ACTB: variants seen among roughly 807,000 people sequenced by gnomAD.
The protein encoded by ACTB is actin beta.
Under a neutral mutation model 30.5 loss-of-function variants are expected in ACTB, and 2 were observed. That is an observed-to-expected ratio of 0.07 (90% CI 0.03 to 0.21). The LOEUF is 0.21. Ranked by LOEUF, ACTB falls within the 10% of genes least tolerant of loss-of-function variation. The pLI is 1.00. For synonymous variants in ACTB, 335 were observed against 217.6 expected, an observed-to-expected ratio of 1.54 and a Z score of -4.75; for missense variants, 56 against 530.0, an observed-to-expected ratio of 0.11 and a Z score of 8.78.
intron 1 of ACTB, 86 bp from the exon 2 acceptor site, chr7:5,529,749 GGCGCCGGCGC>G (rs1211848409): frequency 1.9e-6 from 3 of 1,591,514 alleles, no homozygotes; most frequent in Non-Finnish European, 2.6e-6. Flanking sequence ...GCCGCCAGGG[GGCGCCGGCGC>G]GCGCCCAGAT....
rs781092029 is a variant in ACTB at position 5,529,029 on chromosome 7, C to T, written c.363+132G>A. On this transcript the variant is annotated intron_variant, in intron 3 of 5. Coordinates refer to ENST00000646664, the MANE Select transcript of ACTB (RefSeq NM_001101.5). ...AAAAGCAAATAGAACCTGCAGAGTT[C>T]CAAAGGAGACTCAGGTCAGAGAAGA... 1.9e-6 allele frequency: 3 copies of T among 1,612,122 alleles called. No homozygotes were observed. In the Admixed American group the frequency reaches 5.0e-5, roughly 27 times the overall value.
intron 1 of ACTB, chr7:5,529,933 G>C (rs1006000342): frequency 6.7e-4 from 246 of 368,792 alleles, no homozygotes; most frequent in African/African-American, 5.2e-3. Context: ...CGGCGCGCGC[G>C]CACGCAGCGG....
chr7:5,530,373 G>C (rs955732046), intron 1 of ACTB, among the ~76,000 whole-genome samples, 151 bp downstream of exon 1: 2 of 152,020 alleles, frequency 1.3e-5, no homozygotes, highest in Admixed American at 6.6e-5. Flanking sequence ...CGGAGGCCCA[G>C]GGGCTTCTCC....
chr7:5,529,439 AG>A (rs1562719923), intron 2 of ACTB, 39 bp from the exon 3 acceptor site: 8 of 1,613,492 alleles, frequency 5.0e-6, no homozygotes, highest in Non-Finnish European at 5.9e-6. Flanking sequence ...GCACGGGCGC[AG>A]CCCCCACCCC....
In ACTB at chr7:5,529,649, A is replaced by C; in HGVS notation, c.9T>G (p.Asp3Glu). 6.2e-7 allele frequency: 1 copy of C among 1,611,360 alleles called. No individual in the cohort carries two copies. Among genetic ancestry groups the C allele is most frequent in the Non-Finnish European group, 8.5e-7 (1 of 1,179,684 alleles). MD[D>E]DIAALVVDNG... ...TGTCGACGACGAGCGCGGCGATATCATCATCCATGGTGAGCTGCGAGAATA... is the reference window on the plus strand; with the variant it reads ...TGTCGACGACGAGCGCGGCGATATCCTCATCCATGGTGAGCTGCGAGAATA... The change falls in exon 2 of 6, where the codon GAT becomes GAG. Residue 3 changes from aspartate to glutamate, a missense_variant. Transcript: ENST00000646664.
chr7:5,530,178 G>A (rs1463076529), intron 1 of ACTB, among the ~76,000 whole-genome samples: 2 of 151,986 alleles, frequency 1.3e-5, no homozygotes, highest in Admixed American at 6.5e-5. Flanking sequence ...CACGCGCAAT[G>A]GCGCCCCAGC....
Position 5,529,403 on chromosome 7 carries a change from G to T in ACTB, c.124-3C>A, listed in dbSNP as rs1189379541. 3.1e-6 allele frequency: 5 copies of T among 1,613,840 alleles called. No homozygotes were observed. The highest frequency in any genetic ancestry group is 4.2e-6 in the Non-Finnish European group (5 of 1,180,020). ...TGACCCATGCCCACCATCACGCCCT[G>T]GGAAGGAAAGGACAAGAAGCCCTGA... On this transcript the variant is annotated splice_region_variant and splice_polypyrimidine_tract_variant and intron_variant, in intron 2 of 5. Coordinates refer to ENST00000646664, the MANE Select transcript of ACTB (RefSeq NM_001101.5).
Position 5,528,727 on chromosome 7 carries a change from G to T in ACTB, c.364-8C>A. On this transcript the variant is annotated splice_polypyrimidine_tract_variant and splice_region_variant and intron_variant, in intron 3 of 5. Transcript: ENST00000646664. Reference sequence around the variant, plus strand: ...GAAGGTCTCAAACATGATCTGTAAGGCAGAGATACACCATGTCACACTGGG... The same window carrying T: ...GAAGGTCTCAAACATGATCTGTAAGTCAGAGATACACCATGTCACACTGGG... 2 of 1,612,622 alleles carry T rather than the reference G, an allele frequency of 1.2e-6. No homozygotes were observed. The highest frequency in any genetic ancestry group is 1.7e-6 in the Non-Finnish European group (2 of 1,179,182).
intron 1 of ACTB, among the ~76,000 whole-genome samples, chr7:5,530,209 G>A (rs1584264411): frequency 2.0e-5 from 3 of 152,008 alleles, no homozygotes; most frequent in African/African-American, 7.2e-5. Context: ...CCTGGCGGGG[G>A]CTCCGCCGCG....
chr7:5,527,829 C>T lies in ACTB; in HGVS notation c.1047G>A (p.Leu349=), dbSNP rs2128241179. The change falls in exon 6 of 6, where the codon CTG becomes CTA. Residue 349 remains leucine (L), a synonymous_variant. Coordinates refer to ENST00000646664, the MANE Select transcript of ACTB (RefSeq NM_001101.5). ...TGATCCACATCTGCTGGAAGGTGGA[C>T]AGCGAGGCCAGGATGGAGCCGCCGA... The part of the protein sequence containing the change: ...VWIGGSILAS[L]STFQQMWISK... 2 of 1,612,764 alleles carry T rather than the reference C, an allele frequency of 1.2e-6. No homozygotes were observed. The highest frequency in any genetic ancestry group is 1.7e-5 in the Admixed American group (1 of 59,932).
At chr7:5,530,500 C>T (rs1275420696) in intron 1 of ACTB, 24 bp downstream of exon 1, 1 of 148,284 alleles carries the variant, frequency 6.7e-6, no homozygotes, top group Non-Finnish European at 1.5e-5. Flanking sequence ...GAGCCGCCTG[C>T]CCCGGTCGGC....
At position 5,530,587 on chromosome 7, in the gene ACTB, C is replaced by G. The variant is rs1024565685; in HGVS notation, c.-70G>C. 4 of 152,186 alleles carry G rather than the reference C, an allele frequency of 2.6e-5. No individual in the cohort carries two copies. Among genetic ancestry groups the G allele is most frequent in the Admixed American group, 2.6e-4 (4 of 15,248 alleles). The allele number at this position is 152,186 out of a possible 1,614,324, so 9.4% of individuals were successfully genotyped here. A position where few individuals can be genotyped will look rare whatever the true frequency, so the allele number is the denominator to read the frequency against. On this transcript the variant is annotated 5_prime_UTR_variant, in exon 1 of 6. Transcript: ENST00000646664. ...CGAGGCTCTGTGCTCGCGGGGCGGA[C>G]GCGGTCTCGGCGGTGGTGGCGCGTC...
Position 5,527,516 on chromosome 7 carries a change from A to G in ACTB, c.*232T>C. ...ATTTGGAATGACTATTAAAAAAACA[A>G]CAATGTGCAATCAAAGTCCTCGGCC... On this transcript the variant is annotated 3_prime_UTR_variant, in exon 6 of 6. Transcript: ENST00000646664. 1 of 670,398 alleles carries G rather than the reference A, an allele frequency of 1.5e-6. No individual in the cohort carries two copies. The allele number at this position is 670,398 out of a possible 1,614,324, so 41.5% of individuals were successfully genotyped here.
intron 4 of ACTB, 25 bp downstream of exon 4, chr7:5,528,256 G>C: frequency 6.2e-7 from 1 of 1,613,692 alleles, no homozygotes; most frequent in Non-Finnish European, 8.5e-7. Context: ...ATGTCAGGCA[G>C]AGCCGGGAGA....
rs187828146 is a variant in ACTB, at chr7:5,528,885, G to A, written c.364-166C>T. On this transcript the variant is annotated intron_variant, in intron 3 of 5. Transcript: ENST00000646664. Reference sequence around the variant, plus strand: ...GCACCTACTTAATACACACTCCAAGGCCGCTTTACACCAGCCTCATGGCCT... The same window carrying A: ...GCACCTACTTAATACACACTCCAAGACCGCTTTACACCAGCCTCATGGCCT... 2.6e-4 allele frequency: 365 copies of A among 1,408,606 alleles called. 1 individual carries two copies. In the East Asian group the frequency reaches 8.5e-3, roughly 33 times the overall value. The allele number at this position is 1,408,606 out of a possible 1,614,324, so 87.3% of individuals were successfully genotyped here.
intron 3 of ACTB, 147 bp from the exon 4 acceptor site, chr7:5,528,866 A>C (rs1784820692): frequency 7.3e-7 from 1 of 1,375,314 alleles, no homozygotes; most frequent in African/African-American, 1.4e-5. Context: ...CTGTGCACCT[A>C]CTTAATACAC....
intron 1 of ACTB, 96 bp from the exon 2 acceptor site, chr7:5,529,759 C>T: frequency 6.3e-7 from 1 of 1,579,662 alleles, no homozygotes; most frequent in Non-Finnish European, 8.6e-7. Context: ...GGCGCCGGCG[C>T]GCGCCCAGAT....
chr7:5,530,076 C>G (rs927981609), intron 1 of ACTB: 7 of 153,744 alleles, frequency 4.6e-5, no homozygotes, highest in African/African-American at 1.7e-4. Context: ...CCCCAGAACG[C>G]ACGCGCAGTT....
chr7:5,529,921 G>C (rs1317335701), intron 1 of ACTB: 3 of 420,316 alleles, frequency 7.1e-6, no homozygotes, highest in African/African-American at 2.2e-5. Context: ...ACAGCGCCGG[G>C]TCGGCGCGCG....
Sources: allele counts gnomAD v4.1 joint callset (sites outside exome capture counted in the v4.1 genomes callset), GRCh38; gene constraint gnomAD v4.1.1; transcripts MANE v1.5; gene names NCBI Gene and HGNC (gene_info 2026-07-23, HGNC 2026-07-21).